TNR: variants seen among roughly 807,000 people sequenced by gnomAD.
The protein encoded by TNR is tenascin R, also known as tenascin-R.
Under a neutral mutation model 150.4 loss-of-function variants are expected in TNR, and 45 were observed. The ratio of observed to expected loss-of-function variants is 0.30; its 90% CI spans 0.24 to 0.38. The LOEUF (loss-of-function observed/expected upper bound fraction) is 0.38. TNR is among the 10% of genes least tolerant of loss of function. The pLI is 1.00. For missense variants in TNR, 1,544 were observed against 1,759.1 expected, an observed-to-expected ratio of 0.88 and a Z score of 2.19; for synonymous variants, 687 against 678.4, an observed-to-expected ratio of 1.01 and a Z score of -0.20.
rs373189995 is a variant in TNR at position 175,620,617 on chromosome 1, C to G, written c.-164-92248G>C. Among the ~76,000 whole-genome samples the G allele has an allele frequency of 1.4e-4, 21 of 152,266 alleles. No homozygotes were observed. In the East Asian group the frequency reaches 3.7e-3, roughly 27 times the overall value. On this transcript the variant is annotated intron_variant, in intron 1 of 22. Transcript: ENST00000367674. ...AAGCAGAGGGGCTGAGCTAGCCAAG[C>G]CTGTATGATTGGGCAGAGCAGTGGC...
At chr1:175,671,998 T>G (rs1410493585) in intron 1 of TNR, among the ~76,000 whole-genome samples, 1 of 151,214 alleles carries the variant, frequency 6.6e-6, no homozygotes, top group African/African-American at 2.4e-5. Context: ...GGCACAGGCT[T>G]TGGCATCAAC....
At chr1:175,730,950 G>A (rs1161311084) in intron 1 of TNR, among the ~76,000 whole-genome samples, 1 of 152,174 alleles carries the variant, frequency 6.6e-6, no homozygotes, top group Admixed American at 6.5e-5. Flanking sequence ...TTCCCAAGAT[G>A]TCTGTCCGGG....
intron 9 of TNR, among the ~76,000 whole-genome samples, chr1:175,377,021 C>G (rs1370853208): frequency 1.3e-5 from 2 of 152,040 alleles, no homozygotes; most frequent in African/African-American, 2.4e-5. Flanking sequence ...ACTTCTTTAG[C>G]AGAAGCAGCT....
rs777270354 is a variant in TNR, at chr1:175,406,317, A to G, written c.398T>C (p.Val133Ala). The G allele has an allele frequency of 9.1e-5, 147 of 1,613,942 alleles. No homozygotes were observed. Among genetic ancestry groups the G allele is most frequent in the Non-Finnish European group, 1.2e-4 (144 of 1,180,002 alleles). ...KACPCASSAQ[V>A]LQELLSRIEM... The stretch of plus-strand genomic sequence containing the variant: ...GATCCGGCTCAGCAGCTCCTGCAGC[A>G]CCTGGGCTGAACTGGCACATGGACA... Residue 133 changes from valine to alanine, a missense_variant, in exon 3 of 23, where the codon GTG (valine) becomes GCG (alanine). Transcript: ENST00000367674.
At chr1:175,427,774 C>G (rs1655072296) in intron 2 of TNR, among the ~76,000 whole-genome samples, 1 of 140,420 alleles carries the variant, frequency 7.1e-6, no homozygotes, top group Non-Finnish European at 1.5e-5. Flanking sequence ...CTCCTTCCCT[C>G]TTTCTTTCCC....
In TNR at chr1:175,737,632, C is replaced by T. The variant is rs576858666; in HGVS notation, c.-165+5594G>A. Among the ~76,000 whole-genome samples, 5 of 152,324 alleles carry T rather than the reference C, an allele frequency of 3.3e-5. No individual in the cohort carries two copies. The South Asian group carries it at 1.0e-3, about 32-fold the overall frequency. ...GTTCCAGACTTCCCCCTTTGTCTTT[C>T]CTCATACCATGCAGTTTGAGGAGGA... On this transcript the variant is annotated intron_variant, in intron 1 of 22. Coordinates refer to ENST00000367674, the MANE Select transcript of TNR (RefSeq NM_003285.3).
intron 2 of TNR, among the ~76,000 whole-genome samples, chr1:175,506,193 C>T (rs1053342121): frequency 2.0e-5 from 3 of 152,208 alleles, no homozygotes; most frequent in African/African-American, 7.2e-5. Flanking sequence ...GTAATAGAAG[C>T]CTCCTTCAAC....
At chr1:175,367,405 G>A in intron 9 of TNR, 108 bp from the exon 10 acceptor site, 1 of 863,422 alleles carries the variant, frequency 1.2e-6, no homozygotes, top group Non-Finnish European at 1.9e-6. Flanking sequence ...CTTGTGTTTA[G>A]TCCTCCTTGA....
At chr1:175,713,385 G>T (rs549148710) in intron 1 of TNR, among the ~76,000 whole-genome samples, 27 of 152,168 alleles carry the variant, frequency 1.8e-4, no homozygotes, top group African/African-American at 6.0e-4. Flanking sequence ...ACTTGCAGAA[G>T]ATTTTTTTTT....
intron 1 of TNR, among the ~76,000 whole-genome samples, chr1:175,654,719 CTTTTTTTTTT>C (rs36087120): frequency 1.3e-5 from 1 of 74,744 alleles, no homozygotes; most frequent in African/African-American, 5.4e-5. Context: ...AAGTTCCCTT[CTTTTTTTTTT>C]TTTTTTTTTT....
intron 1 of TNR, among the ~76,000 whole-genome samples, chr1:175,703,928 G>C (rs183298586): frequency 3.3e-4 from 50 of 152,334 alleles, no homozygotes; most frequent in Non-Finnish European, 4.3e-4. Flanking sequence ...TAAGCCTGCA[G>C]AGGGTTAATA....
chr1:175,579,437 T>G lies in TNR; in HGVS notation c.-164-51068A>C, dbSNP rs915001366. On this transcript the variant is annotated intron_variant, in intron 1 of 22. Transcript: ENST00000367674. Reference sequence around the variant, plus strand: ...GAGCAGGTTCAATACGGAAGATAGGTGGGACTGGCAGACCAGGCAGAAGGG... The same window carrying G: ...GAGCAGGTTCAATACGGAAGATAGGGGGGACTGGCAGACCAGGCAGAAGGG... Among the ~76,000 whole-genome samples, 6 of 151,430 alleles carry G rather than the reference T, an allele frequency of 4.0e-5. No homozygotes were observed. In the East Asian group the frequency reaches 1.2e-3, roughly 29 times the overall value.
At chr1:175,722,474 A>G (rs1553256951) in intron 1 of TNR, among the ~76,000 whole-genome samples, 1 of 151,700 alleles carries the variant, frequency 6.6e-6, no homozygotes, top group Non-Finnish European at 1.5e-5. Flanking sequence ...TGTCTTTTTA[A>G]TTTTTTTTAA....
At chr1:175,603,860 A>T (rs985647931) in intron 1 of TNR, among the ~76,000 whole-genome samples, 1 of 152,344 alleles carries the variant, frequency 6.6e-6, no homozygotes, top group South Asian at 2.1e-4. Context: ...TCCCCTGTCC[A>T]TGTGGCTAGA....
intron 1 of TNR, among the ~76,000 whole-genome samples, chr1:175,666,534 A>G (rs1665536642): frequency 6.6e-6 from 1 of 152,136 alleles, no homozygotes; most frequent in Admixed American, 6.5e-5. Context: ...GCCTCTAGAG[A>G]GCTGCCCGGT....
chr1:175,663,291 C>T (rs1270431360), intron 1 of TNR, among the ~76,000 whole-genome samples: 1 of 152,166 alleles, frequency 6.6e-6, no homozygotes, highest in Non-Finnish European at 1.5e-5. Context: ...GCCAGTCAGG[C>T]CGGGTCACTG....
At chr1:175,412,785 C>T (rs1360867078) in intron 2 of TNR, among the ~76,000 whole-genome samples, 1 of 152,180 alleles carries the variant, frequency 6.6e-6, no homozygotes, top group Admixed American at 6.5e-5. Flanking sequence ...GCATGAGGTG[C>T]TCCACTTTTC....
At chr1:175,408,532 G>A (rs970782749) in intron 2 of TNR, among the ~76,000 whole-genome samples, 1 of 152,214 alleles carries the variant, frequency 6.6e-6, no homozygotes, top group African/African-American at 2.4e-5. Flanking sequence ...AATATGGACA[G>A]GGAGCAGACC....
intron 2 of TNR, among the ~76,000 whole-genome samples, chr1:175,458,626 GC>G (rs1656672824): frequency 6.6e-6 from 1 of 152,102 alleles, no homozygotes; most frequent in South Asian, 2.1e-4. Flanking sequence ...TCAAGAAAGT[GC>G]TTTGGACACC....
Sources: allele counts gnomAD v4.1 joint callset (sites outside exome capture counted in the v4.1 genomes callset), GRCh38; gene constraint gnomAD v4.1.1; transcripts MANE v1.5; gene names NCBI Gene and HGNC (gene_info 2026-07-23, HGNC 2026-07-21).